SLC7A7: variants seen among roughly 807,000 people sequenced by gnomAD.
SLC7A7 encodes Y+L amino acid transporter 1.
Under a neutral mutation model 47.9 loss-of-function variants are expected in SLC7A7, and 39 were observed. The observed-to-expected ratio is 0.81, with a 90% CI of 0.63 to 1.06. The LOEUF (loss-of-function observed/expected upper bound fraction) is 1.06. Ranked by LOEUF, SLC7A7 falls within the 50% of genes least tolerant of loss-of-function variation. The pLI is 0.00. For missense variants in SLC7A7, 588 were observed against 632.0 expected (o/e 0.93, Z 0.75); for synonymous variants, 234 against 242.8 (o/e 0.96, Z 0.34).
chr14:22,798,295 CAA>C (rs758885266), intron 2 of SLC7A7, among the ~76,000 whole-genome samples: 1 of 141,904 alleles, frequency 7.0e-6, no homozygotes, highest in South Asian at 2.3e-4. Context: ...GAAACTCTGT[CAA>C]AAAAAAAGAA....
At chr14:22,774,526 G>C (rs1300175139) in intron 7 of SLC7A7, 23 bp from the exon 8 acceptor site, 1 of 1,614,084 alleles carries the variant, frequency 6.2e-7, no homozygotes, top group Non-Finnish European at 8.5e-7. Context: ...GCCTAAGTCA[G>C]CTCTTCTCAG....
chr14:22,809,403 C>T (rs1023143430), intron 2 of SLC7A7, among the ~76,000 whole-genome samples: 21 of 147,396 alleles, frequency 1.4e-4, no homozygotes, highest in Non-Finnish European at 2.2e-4. Flanking sequence ...TGCAATGGCG[C>T]GATCTCTGCT....
At chr14:22,808,368 T>G (rs1439992530) in intron 2 of SLC7A7, among the ~76,000 whole-genome samples, 1 of 152,204 alleles carries the variant, frequency 6.6e-6, no homozygotes, top group Non-Finnish European at 1.5e-5. Flanking sequence ...CCTAATTAAA[T>G]TTTTTCTAAG....
At chr14:22,774,811 TCTC>T (rs1443245892) in intron 7 of SLC7A7, among the ~76,000 whole-genome samples, 15 of 152,138 alleles carry the variant, frequency 9.9e-5, no homozygotes, top group Non-Finnish European at 1.9e-4. Flanking sequence ...CCCGCTCTTA[TCTC>T]CTCCTACATG....
chr14:22,816,691 C>T (rs1335544279), upstream of SLC7A7, among the ~76,000 whole-genome samples: 2 of 152,074 alleles, frequency 1.3e-5, no homozygotes, highest in Admixed American at 1.3e-4. Context: ...TAGACCCTAT[C>T]CATTCTGAAA....
chr14:22,798,378 A>C (rs1023570506), intron 2 of SLC7A7, among the ~76,000 whole-genome samples: 3 of 152,108 alleles, frequency 2.0e-5, no homozygotes, highest in Non-Finnish European at 2.9e-5. Flanking sequence ...AATAAATTTG[A>C]CCTAGCATTG....
chr14:22,778,805 T>C lies in SLC7A7; in HGVS notation c.758A>G (p.Lys253Arg). 3 of 1,614,172 alleles carry C rather than the reference T, an allele frequency of 1.9e-6. No homozygotes were observed. Among genetic ancestry groups the C allele is most frequent in the Non-Finnish European group, 2.5e-6 (3 of 1,180,006 alleles). The change falls in exon 4 of 10, where the codon AAG (lysine) becomes AGG (arginine). Residue 253 changes from lysine (K) to arginine (R), a missense_variant. Lys to Arg is a conservative substitution (Grantham distance 26). Coordinates refer to ENST00000674313, the MANE Select transcript of SLC7A7 (RefSeq NM_003982.4). ...GTGCAGTACCTACCTCTCAGGATTC[T>C]TGATCTCTTCAGTGACATAGTTGAG... ...DTLNYVTEEI[K>R]NPERNLPLSI...
intron 2 of SLC7A7, among the ~76,000 whole-genome samples, chr14:22,797,151 C>T (rs2331766): frequency 0.97 from 147,319 of 152,220 alleles, 71,476 homozygotes; most frequent in East Asian, 1. Flanking sequence ...CCAAAGCCTA[C>T]ATCCATTCCA....
chr14:22,793,332 ACTCCATCTTGCTTCTAAC>A lies in SLC7A7; in HGVS notation c.500-13299_500-13282del, dbSNP rs559700711. On this transcript the variant is annotated intron_variant, in intron 2 of 9. Coordinates refer to ENST00000674313, the MANE Select transcript of SLC7A7 (RefSeq NM_003982.4). ...CAGTGAAAGAGATCTAACTTAACTGACTCCATCTTGCTTCTAACCTCCAAGCTGCCTTTATTCATTCCC... is the reference window on the plus strand; with the variant it reads ...CAGTGAAAGAGATCTAACTTAACTGACTCCAAGCTGCCTTTATTCATTCCC... 5.3e-4 allele frequency among the ~76,000 whole-genome samples: 81 copies of A among 152,168 alleles called. 1 individual carries two copies. In the South Asian group the frequency reaches 0.017, roughly 31 times the overall value.
intron 2 of SLC7A7, among the ~76,000 whole-genome samples, chr14:22,788,571 G>A (rs1351153743): frequency 3.3e-5 from 5 of 151,772 alleles, no homozygotes; most frequent in Non-Finnish European, 5.9e-5. Flanking sequence ...GGGCGTGGTG[G>A]CGGGCACCTG....
upstream of SLC7A7, among the ~76,000 whole-genome samples, chr14:22,817,666 G>A (rs767311317): frequency 2.4e-4 from 36 of 152,240 alleles, no homozygotes; most frequent in Non-Finnish European, 4.6e-4. Context: ...TAGTAGAGAC[G>A]AGGTTTTGCC....
intron 7 of SLC7A7, 126 bp downstream of exon 7, chr14:22,775,318 C>T: frequency 1.2e-6 from 1 of 847,130 alleles, no homozygotes; most frequent in Non-Finnish European, 2.0e-6. Flanking sequence ...GGTGAACATT[C>T]TGATCCACCA....
intron 2 of SLC7A7, among the ~76,000 whole-genome samples, chr14:22,782,978 G>A (rs1249139547): frequency 6.6e-6 from 1 of 150,888 alleles, no homozygotes; most frequent in Non-Finnish European, 1.5e-5. Flanking sequence ...CTGTCACCCA[G>A]CCTGGAGTGC....
chr14:22,791,108 G>A (rs920856579), intron 2 of SLC7A7, among the ~76,000 whole-genome samples: 10 of 151,876 alleles, frequency 6.6e-5, no homozygotes, highest in African/African-American at 2.2e-4. Context: ...CTCCAAATGC[G>A]TTACTGAGCA....
intron 2 of SLC7A7, among the ~76,000 whole-genome samples, chr14:22,791,145 A>C (rs1467372687): frequency 6.6e-6 from 1 of 152,098 alleles, no homozygotes; most frequent in Non-Finnish European, 1.5e-5. Flanking sequence ...ATTCTCTGCT[A>C]TGTAGTCTCC....
upstream of SLC7A7, among the ~76,000 whole-genome samples, chr14:22,818,024 C>CAAAAAA (rs775030790): frequency 4.3e-5 from 6 of 139,360 alleles, no homozygotes; most frequent in African/African-American, 1.3e-4. Flanking sequence ...CTAAAGCAAA[C>CAAAAAA]AAAAAAAAAA....
Position 22,799,524 on chromosome 14 carries a change from G to A in SLC7A7, c.499+13376C>T, listed in dbSNP as rs533980434. 1.8e-3 allele frequency among the ~76,000 whole-genome samples: 242 copies of A among 131,722 alleles called. 1 individual carries two copies. Among genetic ancestry groups the A allele is most frequent in the African/African-American group, 6.5e-3 (230 of 35,520 alleles). The allele number at this position is 131,722 out of a possible 152,430, so 86.4% of individuals were successfully genotyped here. A position where few individuals can be genotyped will look rare whatever the true frequency, so the allele number is the denominator to read the frequency against. ...AGATGGAGTGCAGTGGAGCTGTCTC[G>A]GCTCACTGCAACCTCTTCCTCCAGG... On this transcript the variant is annotated intron_variant, in intron 2 of 9. Coordinates refer to ENST00000674313, the MANE Select transcript of SLC7A7 (RefSeq NM_003982.4).
rs1363003261 is a variant in SLC7A7 at position 22,774,023 on chromosome 14, T to A, written c.1339A>T (p.Ile447Phe). ...YSDTINSLIG[I>F]AIALSGLPFY... is the part of the protein sequence containing the mutation. ...GGCAGGCCTGAGAGGGCAATGGCAATGCCGATGAGGGAGTTGATAGTATCA... is the reference window on the plus strand; with the variant it reads ...GGCAGGCCTGAGAGGGCAATGGCAAAGCCGATGAGGGAGTTGATAGTATCA... The change falls in exon 9 of 10, where the codon ATT (isoleucine) becomes TTT (phenylalanine). Residue 447 changes from isoleucine to phenylalanine, a missense_variant. Physicochemically the swap from Ile to Phe is conservative, Grantham distance 21. Coordinates refer to ENST00000674313, the MANE Select transcript of SLC7A7 (RefSeq NM_003982.4). The A allele has an allele frequency of 5.6e-6, 9 of 1,613,370 alleles. No individual in the cohort carries two copies. Among genetic ancestry groups the A allele is most frequent in the Non-Finnish European group, 7.6e-6 (9 of 1,179,748 alleles).
upstream of SLC7A7, chr14:22,815,660 G>A (rs920302985): frequency 2.2e-6 from 1 of 454,000 alleles, no homozygotes; most frequent in Admixed American, 2.4e-5. Flanking sequence ...GCTCTGCTCT[G>A]GGACCAGGGG....
Sources: gnomAD v4.1 joint callset for allele counts (sites outside exome capture counted in the v4.1 genomes callset) on GRCh38, gnomAD v4.1.1 for gene constraint, MANE v1.5 for transcripts, NCBI Gene and HGNC (gene_info 2026-07-23, HGNC 2026-07-21) for gene names.